The following MAD1L1 variants were observed in gnomAD, a reference collection of about 807,000 sequenced individuals.
MAD1L1 encodes the protein mitotic arrest deficient 1 like 1.
In MAD1L1, 95 loss-of-function variants were observed where a neutral mutation model predicts 96.9. The ratio of observed to expected loss-of-function variants is 0.98; its 90% CI spans 0.83 to 1.16. The LOEUF (loss-of-function observed/expected upper bound fraction) is 1.16. MAD1L1 is among the 50% of genes most tolerant of loss of function. The probability of loss-of-function intolerance (pLI) is 0.00; values close to 1 mark genes in which losing one functional copy is unlikely to be tolerated. For missense variants in MAD1L1, 1,007 were observed against 954.4 expected, an observed-to-expected ratio of 1.06 and a Z score of -0.73; for synonymous variants, 473 against 396.6, an observed-to-expected ratio of 1.19 and a Z score of -2.29.
chr7:1,939,665 C>T (rs931441295), intron 16 of MAD1L1, among the ~76,000 whole-genome samples: 1 of 152,372 alleles, frequency 6.6e-6, no homozygotes, highest in South Asian at 2.1e-4. Context: ...TCCTATCTCC[C>T]AGAGGGGAAC....
chr7:1,930,741 C>T (rs1290389313), intron 17 of MAD1L1, among the ~76,000 whole-genome samples: 1 of 151,674 alleles, frequency 6.6e-6, no homozygotes, highest in Non-Finnish European at 1.5e-5. Flanking sequence ...TCCCCTGGGA[C>T]TTGCTTCCTG....
intron 5 of MAD1L1, chr7:2,220,737 G>T: frequency 1.2e-6 from 1 of 861,186 alleles, no homozygotes; most frequent in Non-Finnish European, 1.7e-6. Context: ...GGGGCTGCGT[G>T]CTCCCCACAT....
intron 15 of MAD1L1, among the ~76,000 whole-genome samples, chr7:1,964,385 C>T (rs909094093): frequency 2.6e-5 from 4 of 152,214 alleles, no homozygotes; most frequent in South Asian, 2.1e-4. Flanking sequence ...GAATGACCTG[C>T]GTGACCCACC....
chr7:2,038,267 A>T (rs1418203394), intron 12 of MAD1L1, among the ~76,000 whole-genome samples: 4 of 152,142 alleles, frequency 2.6e-5, no homozygotes, highest in African/African-American at 9.7e-5. Context: ...TAAAAGTACA[A>T]GGTGAAGCCG....
At chr7:1,978,512 C>G (rs1011511004) in intron 15 of MAD1L1, among the ~76,000 whole-genome samples, 8 of 152,308 alleles carry the variant, frequency 5.3e-5, no homozygotes, top group Middle Eastern at 3.4e-3. Context: ...TTTCTCCAGT[C>G]ACATTCTTCC....
chr7:2,042,280 C>T lies in MAD1L1; in HGVS notation c.1218+26914G>A, dbSNP rs573612418. On this transcript the variant is annotated intron_variant, in intron 12 of 18. Transcript: ENST00000265854. ...ACACATACGCACATGCACACACACG[C>T]GCACATGGACACAGACACACGCAGA... 4.9e-4 allele frequency among the ~76,000 whole-genome samples: 65 copies of T among 133,794 alleles called. 2 individuals are homozygous for T. The East Asian group carries it at 9.1e-3, about 19-fold the overall frequency. The allele number at this position is 133,794 out of a possible 152,430, so 87.8% of individuals were successfully genotyped here. A position where few individuals can be genotyped will look rare whatever the true frequency, so the allele number is the denominator to read the frequency against.
At chr7:2,227,345 A>G (rs1793954849) in intron 3 of MAD1L1, among the ~76,000 whole-genome samples, 2 of 152,210 alleles carry the variant, frequency 1.3e-5, no homozygotes, top group Admixed American at 1.3e-4. Context: ...GGGCGTTCAC[A>G]TGCACATGAA....
At chr7:1,880,934 G>A (rs954983272) in intron 18 of MAD1L1, among the ~76,000 whole-genome samples, 1 of 152,260 alleles carries the variant, frequency 6.6e-6, no homozygotes, top group Admixed American at 6.5e-5. Context: ...AGCCTGGAGG[G>A]GAAGTCTGGG....
chr7:2,061,570 C>G (rs971600518), intron 12 of MAD1L1, among the ~76,000 whole-genome samples: 1 of 152,184 alleles, frequency 6.6e-6, no homozygotes. Flanking sequence ...GGGACCAGCA[C>G]CATCCACACC....
chr7:2,037,547 T>C (rs748269335), intron 12 of MAD1L1, among the ~76,000 whole-genome samples: 1 of 152,242 alleles, frequency 6.6e-6, no homozygotes, highest in Non-Finnish European at 1.5e-5. Context: ...TGGTCTGTAA[T>C]GGGTGGTCTC....
intron 14 of MAD1L1, among the ~76,000 whole-genome samples, chr7:1,989,616 A>T (rs1317510534): frequency 6.6e-6 from 1 of 152,176 alleles, no homozygotes; most frequent in Admixed American, 6.5e-5. Context: ...GCGAGCACAG[A>T]CGTCCCGGCA....
chr7:2,010,070 GTTTTTTTTTTT>G (rs56012894), intron 13 of MAD1L1, among the ~76,000 whole-genome samples: 1 of 89,794 alleles, frequency 1.1e-5, no homozygotes, highest in Non-Finnish European at 2.1e-5. Context: ...TTTTTAACAG[GTTTTTTTTTTT>G]TTTTTTTTTT....
chr7:2,031,162 G>T (rs1219311166), intron 12 of MAD1L1, among the ~76,000 whole-genome samples: 1 of 152,194 alleles, frequency 6.6e-6, no homozygotes, highest in Admixed American at 6.5e-5. Flanking sequence ...ACACCAGGCC[G>T]CTCAGAGAGG....
In MAD1L1 at chr7:1,888,026, CGT is replaced by C. The variant is rs1283717586; in HGVS notation, c.1998+10172_1998+10173del. 9.0e-5 allele frequency among the ~76,000 whole-genome samples: 12 copies of C among 132,836 alleles called. No individual in the cohort carries two copies. In the East Asian group the frequency reaches 9.5e-4, roughly 11 times the overall value. The allele number at this position is 132,836 out of a possible 152,430, so 87.1% of individuals were successfully genotyped here. A position where few individuals can be genotyped will look rare whatever the true frequency, so the allele number is the denominator to read the frequency against. On this transcript the variant is annotated intron_variant, in intron 18 of 18. Transcript: ENST00000265854. Reference sequence around the variant, plus strand: ...GGCTGCCTGTACGTGTGTGTGCATGCGTGAGACTGAGCATGTGTGTGTGAGCC... The same window carrying C: ...GGCTGCCTGTACGTGTGTGTGCATGCGAGACTGAGCATGTGTGTGTGAGCC...
intron 3 of MAD1L1, among the ~76,000 whole-genome samples, chr7:2,229,236 A>G (rs1794072117): frequency 6.6e-6 from 1 of 151,940 alleles, no homozygotes. Flanking sequence ...CAGGCAGAGG[A>G]GCCTAGAGGA....
In MAD1L1 at chr7:1,827,496, C is replaced by T. The variant is rs1202843354; in HGVS notation, c.1999-11268G>A. Reference sequence around the variant, plus strand: ...GTGTGGGGGCCTCCCCTCCTGAGCCCGTCCCGGGTGTGGGGTCCTCCCCTC... The same window carrying T: ...GTGTGGGGGCCTCCCCTCCTGAGCCTGTCCCGGGTGTGGGGTCCTCCCCTC... On this transcript the variant is annotated intron_variant, in intron 18 of 18. Transcript: ENST00000265854. Among the ~76,000 whole-genome samples, 205 of 142,624 alleles carry T rather than the reference C, an allele frequency of 1.4e-3. 3 individuals are homozygous for T. Among genetic ancestry groups the T allele is most frequent in the Admixed American group, 3.9e-3 (55 of 13,990 alleles). 93.6% of individuals were successfully genotyped at this position (142,624 alleles called of 152,430 possible). A position where few individuals can be genotyped will look rare whatever the true frequency, so the allele number is the denominator to read the frequency against.
At position 2,142,014 on chromosome 7, in the gene MAD1L1, T is replaced by G. The variant is rs1464539425; in HGVS notation, c.1073+7138A>C. Reference sequence around the variant, plus strand: ...AGCCGTGAGCACAGAATGGGCCTGCTCCCCTGTCACCTTGAGCAGCGCACT... The same window carrying G: ...AGCCGTGAGCACAGAATGGGCCTGCGCCCCTGTCACCTTGAGCAGCGCACT... On this transcript the variant is annotated intron_variant, in intron 11 of 18. Transcript: ENST00000265854. This position sits in a 1 kb window ranked among gnomAD's most constrained non-coding sequence, Gnocchi z 4.7. Among the ~76,000 whole-genome samples the G allele has an allele frequency of 1.3e-5, 2 of 152,082 alleles. No individual in the cohort carries two copies. The highest frequency in any genetic ancestry group is 4.8e-5 in the African/African-American group (2 of 41,396).
chr7:1,951,874 C>G (rs1779514358), intron 16 of MAD1L1, among the ~76,000 whole-genome samples: 2 of 152,180 alleles, frequency 1.3e-5, no homozygotes, highest in African/African-American at 4.8e-5. Flanking sequence ...CACCTCTGGG[C>G]TACCGTGAGC....
rs1485999461 is a variant in MAD1L1, at chr7:2,146,808, T to C, written c.1073+2344A>G. Among the ~76,000 whole-genome samples, 1 of 152,194 alleles carries C rather than the reference T, an allele frequency of 6.6e-6. No individual in the cohort carries two copies. The highest frequency in any genetic ancestry group is 1.5e-5 in the Non-Finnish European group (1 of 68,038). ...ACTGCCTGTAAGAGACTTGTAGAAA[T>C]GTGCTCAGCTGTTCAACCGTGCGAG... On this transcript the variant is annotated intron_variant, in intron 11 of 18. Transcript: ENST00000265854. This position sits in a 1 kb window ranked among gnomAD's most constrained non-coding sequence, Gnocchi z 6.2.
Sources: gnomAD v4.1 joint callset for allele counts (sites outside exome capture counted in the v4.1 genomes callset) on GRCh38, gnomAD v4.1.1 for gene constraint, Gnocchi (gnomAD v3.1) non-coding constraint, MANE v1.5 for transcripts, NCBI Gene and HGNC (gene_info 2026-07-23, HGNC 2026-07-21) for gene names.